ACTR3B: variants seen among roughly 807,000 people sequenced by gnomAD.
The protein encoded by ACTR3B is actin-related protein 3B.
In ACTR3B, 8 loss-of-function variants were observed where a neutral mutation model predicts 59.0. The ratio of observed to expected loss-of-function variants is 0.14; its 90% confidence interval spans 0.08 to 0.24. The LOEUF is 0.24. Ranked by LOEUF, ACTR3B falls within the 10% of genes least tolerant of loss-of-function variation. ACTR3B has a pLI of 1.00. For missense variants in ACTR3B, 245 were observed against 552.3 expected, an observed-to-expected ratio of 0.44 and a Z score of 5.58; for synonymous variants, 148 against 197.9, an observed-to-expected ratio of 0.75 and a Z score of 2.12.
At chr7:152,800,420 G>A in intron 2 of ACTR3B, 111 bp from the exon 3 acceptor site, 19 of 946,532 alleles carry the variant, frequency 2.0e-5, no homozygotes, top group Non-Finnish European at 2.7e-5. Context: ...ACCCCACATG[G>A]AGCCCTAACA....
intron 1 of ACTR3B, among the ~76,000 whole-genome samples, chr7:152,762,000 A>G (rs1372753020): frequency 1.1e-4 from 16 of 152,194 alleles, no homozygotes; most frequent in Non-Finnish European, 1.5e-5. Flanking sequence ...AATCAAGAGA[A>G]ATACCTGTTT....
At chr7:152,813,524 C>A (rs1193902430) in intron 4 of ACTR3B, 10 of 119,980 alleles carry the variant, frequency 8.3e-5, no homozygotes, top group Non-Finnish European at 1.8e-4. Context: ...CAATATTTTT[C>A]CAGATATTTT....
At chr7:152,821,956 C>G (rs866654605) in intron 7 of ACTR3B, among the ~76,000 whole-genome samples, 2 of 152,262 alleles carry the variant, frequency 1.3e-5, no homozygotes, top group Admixed American at 6.5e-5. Flanking sequence ...GCCTGTTACT[C>G]TGCACCCAAC....
intron 2 of ACTR3B, among the ~76,000 whole-genome samples, chr7:152,787,798 A>G (rs1465434226): frequency 6.6e-6 from 1 of 151,960 alleles, no homozygotes; most frequent in African/African-American, 2.4e-5. Context: ...ATCATGTTTT[A>G]ATCTAGTGGG....
chr7:152,781,066 G>C (rs1324246329), intron 1 of ACTR3B, among the ~76,000 whole-genome samples: 1 of 151,940 alleles, frequency 6.6e-6, no homozygotes, highest in East Asian at 1.9e-4. Flanking sequence ...TGAACTCAGT[G>C]TGGTGCCAAA....
Position 152,852,269 on chromosome 7 carries a change from C to T in ACTR3B, c.1077+18C>T, listed in dbSNP as rs1008271346. ...GGATCAAGGTAGGAGCCAGAGGCCT[C>T]CACGCAGTGCCTGGGGCTATTGCCC... On this transcript the variant is annotated intron_variant, in intron 10 of 11. Transcript: ENST00000256001. 2.7e-5 allele frequency: 43 copies of T among 1,600,912 alleles called. 1 individual carries two copies. The Admixed American group carries it at 5.6e-4, about 21-fold the overall frequency.
intron 4 of ACTR3B, among the ~76,000 whole-genome samples, chr7:152,805,949 T>C (rs922552732): frequency 3.1e-4 from 47 of 152,350 alleles, no homozygotes; most frequent in African/African-American, 1.0e-3. Flanking sequence ...GTTGGTTTTA[T>C]GATAGTCATT....
intron 9 of ACTR3B, among the ~76,000 whole-genome samples, chr7:152,849,441 A>G (rs1045836397): frequency 2.0e-5 from 3 of 152,170 alleles, no homozygotes; most frequent in African/African-American, 7.2e-5. Flanking sequence ...TCCCTTAACA[A>G]TATATTAGCC....
chr7:152,818,340 C>T (rs1032805248), intron 6 of ACTR3B, among the ~76,000 whole-genome samples: 1 of 152,160 alleles, frequency 6.6e-6, no homozygotes, highest in Non-Finnish European at 1.5e-5. Flanking sequence ...GTAAAAATTA[C>T]ATTAGTCATT....
intron 4 of ACTR3B, chr7:152,813,495 A>AT (rs1392398314): frequency 6.6e-6 from 1 of 151,770 alleles, no homozygotes; most frequent in East Asian, 1.9e-4. Flanking sequence ...ATTCTTGGCA[A>AT]TTTTTATCTG....
At chr7:152,848,210 C>G (rs965089963) in intron 9 of ACTR3B, among the ~76,000 whole-genome samples, 1 of 152,220 alleles carries the variant, frequency 6.6e-6, no homozygotes, top group Non-Finnish European at 1.5e-5. Flanking sequence ...AGGATGAGCT[C>G]ACCAAGTCTG....
intron 9 of ACTR3B, among the ~76,000 whole-genome samples, chr7:152,832,669 C>CT (rs1178341236): frequency 2.0e-5 from 3 of 152,198 alleles, no homozygotes; most frequent in African/African-American, 7.2e-5. Flanking sequence ...GCCACTATCT[C>CT]TATCTCTACA....
chr7:152,852,028 C>T (rs879225390), intron 9 of ACTR3B, 98 bp from the exon 10 acceptor site: 1 of 1,533,502 alleles, frequency 6.5e-7, no homozygotes, highest in South Asian at 1.1e-5. Flanking sequence ...GTGTCGTGCC[C>T]ACAAGCGATT....
rs1260733055 is a variant in ACTR3B, at chr7:152,852,202, T to C, written c.1028T>C (p.Val343Ala). Reference sequence around the variant, plus strand: ...CTGCAGAGGGATTTGAAGAGAGTGGTGGATGCTAGGCTGAGGCTCAGCGAG... The same window carrying C: ...CTGCAGAGGGATTTGAAGAGAGTGGCGGATGCTAGGCTGAGGCTCAGCGAG... ...RRLQRDLKRV[V>A]DARLRLSEEL... Residue 343 changes from valine to alanine, a missense_variant, in exon 10 of 12, where the codon GTG becomes GCG. Coordinates refer to ENST00000256001, the MANE Select transcript of ACTR3B (RefSeq NM_020445.6). 6.2e-7 allele frequency: 1 copy of C among 1,613,670 alleles called. No individual in the cohort carries two copies. Among genetic ancestry groups the C allele is most frequent in the Non-Finnish European group, 8.5e-7 (1 of 1,179,884 alleles).
intron 9 of ACTR3B, among the ~76,000 whole-genome samples, chr7:152,843,923 A>AT (rs1405438053): frequency 1.3e-5 from 2 of 152,186 alleles, no homozygotes; most frequent in African/African-American, 4.8e-5. Context: ...CCGCTCCTAG[A>AT]TGTGTGTGCA....
At chr7:152,807,038 G>C (rs1408601150) in intron 4 of ACTR3B, among the ~76,000 whole-genome samples, 1 of 152,196 alleles carries the variant, frequency 6.6e-6, no homozygotes, top group Non-Finnish European at 1.5e-5. Context: ...GGCAAGATGT[G>C]CTGCATCTCC....
chr7:152,821,673 G>A (rs537210464), intron 7 of ACTR3B, among the ~76,000 whole-genome samples: 101 of 152,282 alleles, frequency 6.6e-4, no homozygotes, highest in Middle Eastern at 6.8e-3. Context: ...TGATGTGCTC[G>A]ATGTGACTGT....
At chr7:152,852,792 T>C (rs1263180874) in intron 10 of ACTR3B, among the ~76,000 whole-genome samples, 3 of 151,862 alleles carry the variant, frequency 2.0e-5, no homozygotes, top group African/African-American at 7.3e-5. Context: ...GTTTCTTTTC[T>C]TTTTTTTCTT....
At chr7:152,794,637 G>A (rs986298852) in intron 2 of ACTR3B, among the ~76,000 whole-genome samples, 1 of 152,212 alleles carries the variant, frequency 6.6e-6, no homozygotes, top group African/African-American at 2.4e-5. Context: ...TGGCCCTTTG[G>A]AATACCAAAC....
Sources: gnomAD v4.1 joint callset for allele counts (sites outside exome capture counted in the v4.1 genomes callset) on GRCh38, gnomAD v4.1.1 for gene constraint, MANE v1.5 for transcripts, NCBI Gene and HGNC (gene_info 2026-07-23, HGNC 2026-07-21) for gene names.